The following IQGAP1 variants were observed in gnomAD, a reference collection of about 807,000 sequenced individuals.
The protein encoded by IQGAP1 is ras GTPase-activating-like protein IQGAP1.
In IQGAP1, 66 loss-of-function variants were observed where a neutral mutation model predicts 215.6. The ratio of observed to expected loss-of-function variants is 0.31; its 90% CI spans 0.25 to 0.38. IQGAP1 has a LOEUF of 0.38. IQGAP1 is among the 10% of genes least tolerant of loss of function. The probability of loss-of-function intolerance (pLI) is 1.00; values close to 1 mark genes in which losing one functional copy is unlikely to be tolerated. For missense variants in IQGAP1, 1,712 were observed against 1,997.1 expected (o/e 0.86, Z 2.72); for synonymous variants, 772 against 728.7 (o/e 1.06, Z -0.96).
At chr15:90,448,294 G>A (rs1472960900) in intron 9 of IQGAP1, among the ~76,000 whole-genome samples, 1 of 152,166 alleles carries the variant, frequency 6.6e-6, no homozygotes, top group Non-Finnish European at 1.5e-5. Flanking sequence ...CTCCATATTG[G>A]TGCTGAGCTG....
At chr15:90,489,106 A>G (rs1966168817) in intron 33 of IQGAP1, among the ~76,000 whole-genome samples, 1 of 149,048 alleles carries the variant, frequency 6.7e-6, no homozygotes, top group Admixed American at 6.7e-5. Context: ...GAGTCATGTC[A>G]TATCTAAGAC....
chr15:90,446,014 G>C (rs1965523448), intron 9 of IQGAP1, among the ~76,000 whole-genome samples: 1 of 152,088 alleles, frequency 6.6e-6, no homozygotes, highest in African/African-American at 2.4e-5. Flanking sequence ...TTAGGATAAT[G>C]ACCTTCCTAG....
At position 90,390,974 on chromosome 15, in the gene IQGAP1, C is replaced by T. The variant is rs373545782; in HGVS notation, c.155+101C>T. The T allele has an allele frequency of 1.7e-5, 13 of 782,850 alleles. No homozygotes were observed. The South Asian group carries it at 1.9e-4, about 12-fold the overall frequency. 48.5% of individuals were successfully genotyped at this position (782,850 alleles called of 1,614,324 possible). On this transcript the variant is annotated intron_variant, in intron 2 of 37. Coordinates refer to ENST00000268182, the MANE Select transcript of IQGAP1 (RefSeq NM_003870.4). ...TGAGGCTGAACACAGTGGTCCATGCCTGTAATCCCAACACGTTGGGAGGCC... is the reference window on the plus strand; with the variant it reads ...TGAGGCTGAACACAGTGGTCCATGCTTGTAATCCCAACACGTTGGGAGGCC...
chr15:90,483,419 C>G lies in IQGAP1; in HGVS notation c.3614C>G (p.Ala1205Gly), dbSNP rs771700516. The G allele has an allele frequency of 3.7e-6, 6 of 1,614,104 alleles. No homozygotes were observed. Among genetic ancestry groups the G allele is most frequent in the Non-Finnish European group, 5.1e-6 (6 of 1,179,992 alleles). ...YMNPAIVAPD[A>G]FDIIDLSAGG... ...AATCCAGCCATTGTTGCTCCTGATG[C>G]CTTTGACATCATTGACCTGTCAGCA... The change falls in exon 29 of 38, where the codon GCC becomes GGC. Residue 1205 changes from alanine (A) to glycine (G), a missense_variant. Transcript: ENST00000268182.
At chr15:90,417,694 G>A (rs903238283) in intron 2 of IQGAP1, among the ~76,000 whole-genome samples, 70 of 152,234 alleles carry the variant, frequency 4.6e-4, no homozygotes, top group African/African-American at 1.4e-3. Flanking sequence ...TTGGCAATGC[G>A]GGCTCTTTTT....
At chr15:90,458,867 TA>T (rs1402929853) in intron 15 of IQGAP1, among the ~76,000 whole-genome samples, 1 of 152,200 alleles carries the variant, frequency 6.6e-6, no homozygotes, top group Non-Finnish European at 1.5e-5. Flanking sequence ...ATCTATCAGA[TA>T]CTACACTTAC....
chr15:90,445,289 T>TA (rs1327899666), intron 9 of IQGAP1, among the ~76,000 whole-genome samples: 4 of 152,098 alleles, frequency 2.6e-5, no homozygotes, highest in Non-Finnish European at 4.4e-5. Flanking sequence ...AATTGCCTGC[T>TA]ATTTAGTAAG....
intron 37 of IQGAP1, among the ~76,000 whole-genome samples, chr15:90,498,865 A>C (rs1966306743): frequency 6.7e-6 from 1 of 149,328 alleles, no homozygotes; most frequent in Admixed American, 6.7e-5. Context: ...GCTGCAGTGC[A>C]ATGGCACAAT....
chr15:90,406,037 A>G (rs962785817), intron 2 of IQGAP1, among the ~76,000 whole-genome samples: 3 of 152,230 alleles, frequency 2.0e-5, no homozygotes, highest in African/African-American at 7.2e-5. Flanking sequence ...TCTTTAAGGC[A>G]TTGCAAAGGA....
intron 2 of IQGAP1, among the ~76,000 whole-genome samples, chr15:90,420,704 C>A (rs1965120801): frequency 6.6e-6 from 1 of 152,084 alleles, no homozygotes; most frequent in Non-Finnish European, 1.5e-5. Context: ...TTGTGTTGGC[C>A]AGTGATTTTT....
At chr15:90,484,132 T>A in intron 29 of IQGAP1, 88 bp from the exon 30 acceptor site, 1 of 1,175,730 alleles carries the variant, frequency 8.5e-7, no homozygotes, top group Non-Finnish European at 1.2e-6. Flanking sequence ...CTGTTTGCAC[T>A]CATTGTGTGA....
chr15:90,448,990 A>G (rs1219371236), intron 10 of IQGAP1, among the ~76,000 whole-genome samples: 1 of 152,088 alleles, frequency 6.6e-6, no homozygotes, highest in African/African-American at 2.4e-5. Flanking sequence ...TCACTCCTTC[A>G]CTTCAGCTGT....
Position 90,466,254 on chromosome 15 carries a change from T to G in IQGAP1, c.1868-15T>G, listed in dbSNP as rs1400929050. 1.2e-6 allele frequency: 2 copies of G among 1,613,626 alleles called. No homozygotes were observed. Among genetic ancestry groups the G allele is most frequent in the Non-Finnish European group, 1.7e-6 (2 of 1,179,528 alleles). ...CTCTCTAAACTATTCTGGTAACAGT[T>G]CTTTCCCGAAATAGTTGCCTTAGGA... On this transcript the variant is annotated splice_polypyrimidine_tract_variant and intron_variant, in intron 16 of 37. Transcript: ENST00000268182.
intron 8 of IQGAP1, among the ~76,000 whole-genome samples, chr15:90,443,009 G>T (rs1044047671): frequency 5.3e-5 from 8 of 152,030 alleles, no homozygotes; most frequent in Non-Finnish European, 1.2e-4. Flanking sequence ...ACCTAGGCTG[G>T]AGTGCAGTGG....
intron 8 of IQGAP1, 72 bp downstream of exon 8, chr15:90,441,756 C>A: frequency 1.8e-6 from 2 of 1,105,174 alleles, no homozygotes; most frequent in Non-Finnish European, 2.6e-6. Context: ...CCAGTTTAAA[C>A]ATCAGTTTTA....
intron 11 of IQGAP1, among the ~76,000 whole-genome samples, chr15:90,452,050 G>A (rs8024438): frequency 2.0e-5 from 3 of 152,180 alleles, no homozygotes; most frequent in East Asian, 3.9e-4. Flanking sequence ...GGATGGTCTC[G>A]ATCTCCTGAC....
At chr15:90,499,967 GTTT>G in intron 37 of IQGAP1, 25 bp from the exon 38 acceptor site, 3 of 336,468 alleles carry the variant, frequency 8.9e-6, no homozygotes, top group Non-Finnish European at 1.7e-5. Context: ...AAAATGTTTT[GTTT>G]TGTTTTGTTT....
At chr15:90,426,538 T>A (rs1382298788) in intron 3 of IQGAP1, among the ~76,000 whole-genome samples, 2 of 144,530 alleles carry the variant, frequency 1.4e-5, no homozygotes, top group African/African-American at 2.5e-5. Flanking sequence ...AAAAGAACTT[T>A]AGCTGTCTTT....
intron 15 of IQGAP1, among the ~76,000 whole-genome samples, chr15:90,458,054 C>T (rs1965711162): frequency 6.6e-6 from 1 of 152,198 alleles, no homozygotes; most frequent in Admixed American, 6.5e-5. Context: ...TTAATCTCCC[C>T]CAGCCCTGGG....
Sources: allele counts gnomAD v4.1 joint callset (sites outside exome capture counted in the v4.1 genomes callset), GRCh38; gene constraint gnomAD v4.1.1; transcripts MANE v1.5; gene names NCBI Gene and HGNC (gene_info 2026-07-23, HGNC 2026-07-21).